KCNAB1: variants seen among roughly 807,000 people sequenced by gnomAD.
KCNAB1 encodes voltage-gated potassium channel subunit beta-1.
Under a neutral mutation model 64.6 loss-of-function variants are expected in KCNAB1, and 35 were observed. The observed-to-expected ratio is 0.54, with a 90% CI of 0.41 to 0.72. The LOEUF (loss-of-function observed/expected upper bound fraction) is 0.72. Among genes scored for constraint, KCNAB1 ranks in the 30% least tolerant of loss-of-function variants. The pLI is 0.00. For synonymous variants in KCNAB1, 177 were observed against 183.8 expected, an observed-to-expected ratio of 0.96 and a Z score of 0.30; for missense variants, 401 against 512.9, an observed-to-expected ratio of 0.78 and a Z score of 2.11.
At position 156,523,839 on chromosome 3, in the gene KCNAB1, T is replaced by C; in HGVS notation, c.973T>C (p.Leu325=). ...SRASLKCYQW[L]KERIVSEEGR... is the part of the protein sequence containing the mutation. ...TGCTTTTCCCCAGTGCTACCAGTGG[T>C]TGAAAGAAAGAATTGTAAGTGAAGA... Residue 325 remains leucine (L), a synonymous_variant, in exon 12 of 14, where the codon TTG becomes CTG. Coordinates refer to ENST00000490337, the MANE Select transcript of KCNAB1 (RefSeq NM_172160.3). The C allele has an allele frequency of 6.2e-7, 1 of 1,613,276 alleles. No homozygotes were observed. Among genetic ancestry groups the C allele is most frequent in the African/African-American group, 1.3e-5 (1 of 75,006 alleles).
In KCNAB1 at chr3:156,463,686, T is replaced by A; in HGVS notation, c.483-16T>A. 1 of 1,590,434 alleles carries A rather than the reference T, an allele frequency of 6.3e-7. No homozygotes were observed. Among genetic ancestry groups the A allele is most frequent in the Non-Finnish European group, 8.6e-7 (1 of 1,166,924 alleles). On this transcript the variant is annotated splice_polypyrimidine_tract_variant and intron_variant, in intron 5 of 13. Coordinates refer to ENST00000490337, the MANE Select transcript of KCNAB1 (RefSeq NM_172160.3). The stretch of plus-strand genomic sequence containing the variant: ...TTTATTTACTACTTCTCTGTGTTTG[T>A]CTTTTTGATATACAGGAGGTCCAGT...
Position 156,452,751 on chromosome 3 carries a change from C to T in KCNAB1, c.320-148C>T. Reference sequence around the variant, plus strand: ...AAGAAGACAGACTAGACCAACTAGACCACAGCCCACATGTGCCCCTCATCC... The same window carrying T: ...AAGAAGACAGACTAGACCAACTAGATCACAGCCCACATGTGCCCCTCATCC... On this transcript the variant is annotated intron_variant, in intron 2 of 13. Transcript: ENST00000490337. This position sits in a 1 kb window ranked among gnomAD's most constrained non-coding sequence, Gnocchi z 4.6. 1 of 585,362 alleles carries T rather than the reference C, an allele frequency of 1.7e-6. No individual in the cohort carries two copies. Among genetic ancestry groups the T allele is most frequent in the Non-Finnish European group, 3.1e-6 (1 of 325,506 alleles). The allele number at this position is 585,362 out of a possible 1,614,324, so 36.3% of individuals were successfully genotyped here. A position where few individuals can be genotyped will look rare whatever the true frequency, so the allele number is the denominator to read the frequency against.
At chr3:156,472,625 G>C (rs1178587134) in intron 7 of KCNAB1, among the ~76,000 whole-genome samples, 2 of 152,208 alleles carry the variant, frequency 1.3e-5, no homozygotes, top group African/African-American at 2.4e-5. Context: ...TATCAAGAAA[G>C]TGCTTTTCAG....
intron 1 of KCNAB1, chr3:156,291,255 C>T: frequency 1.0e-6 from 1 of 986,746 alleles, no homozygotes; most frequent in Non-Finnish European, 1.2e-6. Context: ...GGCTTTCGCT[C>T]GAGAATGAGT....
chr3:156,431,316 CTG>C (rs1424511622), intron 2 of KCNAB1, among the ~76,000 whole-genome samples: 1 of 152,196 alleles, frequency 6.6e-6, no homozygotes, highest in Non-Finnish European at 1.5e-5. Flanking sequence ...TTTCTAAACT[CTG>C]TGCAGCATAA....
In KCNAB1 at chr3:156,136,257, C is replaced by T. The variant is rs144199711; in HGVS notation, c.275+15371C>T. 3.7e-3 allele frequency among the ~76,000 whole-genome samples: 565 copies of T among 152,288 alleles called. 4 individuals are homozygous for T. Among genetic ancestry groups the T allele is most frequent in the African/African-American group, 0.013 (535 of 41,538 alleles). ...TGAGCCATTTATTCTGTACTAGTTA[C>T]ATCAAATACAATATTTCTTATAATT... On this transcript the variant is annotated intron_variant, in intron 1 of 13. Coordinates refer to ENST00000490337, the MANE Select transcript of KCNAB1 (RefSeq NM_172160.3).
chr3:156,154,193 T>C (rs1470543082), intron 1 of KCNAB1, among the ~76,000 whole-genome samples: 4 of 152,136 alleles, frequency 2.6e-5, no homozygotes, highest in African/African-American at 9.7e-5. Context: ...GTTTAGCTGA[T>C]TACAGTCTGA....
intron 1 of KCNAB1, among the ~76,000 whole-genome samples, chr3:156,214,661 A>G (rs899863740): frequency 6.6e-6 from 1 of 152,234 alleles, no homozygotes; most frequent in Non-Finnish European, 1.5e-5. Context: ...TTCCAAGGCC[A>G]TCTACAGGCT....
intron 7 of KCNAB1, among the ~76,000 whole-genome samples, chr3:156,470,229 T>C (rs570894221): frequency 1.3e-5 from 2 of 152,234 alleles, no homozygotes; most frequent in African/African-American, 4.8e-5. Context: ...GAAATTTCAC[T>C]AGCAGATTGA....
intron 1 of KCNAB1, among the ~76,000 whole-genome samples, chr3:156,288,945 C>T (rs1720243088): frequency 6.6e-6 from 1 of 152,064 alleles, no homozygotes; most frequent in Admixed American, 6.6e-5. Context: ...TTCTTCCTCC[C>T]TCTTCCTTTC....
At chr3:156,273,539 C>G in intron 1 of KCNAB1, 1 of 455,734 alleles carries the variant, frequency 2.2e-6, no homozygotes, top group Non-Finnish European at 4.4e-6. Context: ...CTGCACTCTC[C>G]CTCCCCTAAG....
intron 1 of KCNAB1, among the ~76,000 whole-genome samples, chr3:156,165,568 T>C (rs1436012670): frequency 6.6e-6 from 1 of 152,210 alleles, no homozygotes; most frequent in Non-Finnish European, 1.5e-5. Flanking sequence ...CTGTGTTTCA[T>C]GTATTGAGTC....
intron 2 of KCNAB1, among the ~76,000 whole-genome samples, chr3:156,437,423 G>T (rs1177011810): frequency 6.6e-6 from 1 of 152,134 alleles, no homozygotes; most frequent in Non-Finnish European, 1.5e-5. Flanking sequence ...ACAATATAAA[G>T]ATTTAGTACC....
At chr3:156,324,651 T>G (rs1722859821) in intron 1 of KCNAB1, among the ~76,000 whole-genome samples, 1 of 152,166 alleles carries the variant, frequency 6.6e-6, no homozygotes, top group Non-Finnish European at 1.5e-5. Context: ...CTCTCATGTT[T>G]CCCAGGCTTT....
chr3:156,308,705 C>G (rs958460924), intron 1 of KCNAB1, among the ~76,000 whole-genome samples: 1 of 152,198 alleles, frequency 6.6e-6, no homozygotes, highest in Non-Finnish European at 1.5e-5. Context: ...ATGACAGTGT[C>G]TGTCTTACAA....
At chr3:156,527,246 T>TA (rs1258560553) in intron 12 of KCNAB1, among the ~76,000 whole-genome samples, 5 of 152,214 alleles carry the variant, frequency 3.3e-5, no homozygotes, top group African/African-American at 1.2e-4. Context: ...GCAAGTTACT[T>TA]AACCTGGTAA....
At chr3:156,477,452 C>A (rs1714453815) in intron 8 of KCNAB1, among the ~76,000 whole-genome samples, 1 of 152,114 alleles carries the variant, frequency 6.6e-6, no homozygotes, top group Non-Finnish European at 1.5e-5. Flanking sequence ...CCACCTCATG[C>A]TGGAATGTTG....
intron 1 of KCNAB1, among the ~76,000 whole-genome samples, chr3:156,342,593 TTTTTTTTTTTTTTTAA>T (rs1724204584): frequency 7.5e-6 from 1 of 134,152 alleles, no homozygotes; most frequent in African/African-American, 3.2e-5. Flanking sequence ...TTCTTTTTTT[TTTTTTTTTTTTTTTAA>T]TTTTTTTTTT....
At chr3:156,291,712 C>T (rs1467173608) in intron 1 of KCNAB1, 3 of 1,430,342 alleles carry the variant, frequency 2.1e-6, no homozygotes, top group Non-Finnish European at 1.8e-6. Context: ...GGGACTCTTT[C>T]CTGCATCGCA....
Sources: allele counts gnomAD v4.1 joint callset (sites outside exome capture counted in the v4.1 genomes callset), GRCh38; gene constraint gnomAD v4.1.1; non-coding constraint Gnocchi (gnomAD v3.1); transcripts MANE v1.5; gene names NCBI Gene and HGNC (gene_info 2026-07-23, HGNC 2026-07-21).